The following GADL1 variants were observed in gnomAD, a reference collection of about 807,000 sequenced individuals.
GADL1 encodes acidic amino acid decarboxylase GADL1.
Under a neutral mutation model 69.5 loss-of-function variants are expected in GADL1, and 71 were observed. The observed-to-expected ratio is 1.02, with a 90% CI of 0.84 to 1.25. The LOEUF is 1.25. Ranked by LOEUF, GADL1 falls within the 50% of genes most tolerant of loss-of-function variation. The pLI, the probability that GADL1 is intolerant of heterozygous loss-of-function variation, is 0.00. For missense variants in GADL1, 737 were observed against 631.8 expected (o/e 1.17, Z -1.79); for synonymous variants, 254 against 214.4 (o/e 1.18, Z -1.62).
chr3:30,812,811 A>G (rs558750149), intron 11 of GADL1, among the ~76,000 whole-genome samples: 1 of 152,160 alleles, frequency 6.6e-6, no homozygotes, highest in African/African-American at 2.4e-5. Context: ...TTGAGGCCCT[A>G]CTTTGTTGAG....
At chr3:30,758,289 C>T (rs908592271) in intron 14 of GADL1, among the ~76,000 whole-genome samples, 2 of 152,350 alleles carry the variant, frequency 1.3e-5, no homozygotes, top group Non-Finnish European at 2.9e-5. Flanking sequence ...TGGTGGAGCA[C>T]TCCACTCTCT....
At chr3:30,813,388 A>T (rs1697398733) in intron 11 of GADL1, among the ~76,000 whole-genome samples, 1 of 152,226 alleles carries the variant, frequency 6.6e-6, no homozygotes, top group Non-Finnish European at 1.5e-5. Context: ...GCAGACATAT[A>T]GAAATGTTCT....
chr3:30,749,759 C>A (rs1221685133), intron 14 of GADL1, among the ~76,000 whole-genome samples: 1 of 152,196 alleles, frequency 6.6e-6, no homozygotes, highest in Non-Finnish European at 1.5e-5. Flanking sequence ...GTTTCATTCG[C>A]CCCAGCTGAA....
At chr3:30,807,171 C>T (rs1332311957) in intron 11 of GADL1, among the ~76,000 whole-genome samples, 1 of 152,206 alleles carries the variant, frequency 6.6e-6, no homozygotes, top group African/African-American at 2.4e-5. Flanking sequence ...TTACCCACCA[C>T]TCTTCCTCTT....
chr3:30,831,883 A>G (rs1047305694), intron 11 of GADL1, among the ~76,000 whole-genome samples: 6 of 151,900 alleles, frequency 3.9e-5, no homozygotes, highest in African/African-American at 1.4e-4. Flanking sequence ...TTGTTAGTGC[A>G]CTTATCAAAA....
chr3:30,766,551 C>G (rs1483539705), intron 14 of GADL1, among the ~76,000 whole-genome samples: 1 of 126,216 alleles, frequency 7.9e-6, no homozygotes, highest in Non-Finnish European at 1.7e-5. Context: ...CATATCATTA[C>G]TGTGATTTTT....
Position 30,850,289 on chromosome 3 carries a change from C to T in GADL1, c.536-178G>A, listed in dbSNP as rs146961604. On this transcript the variant is annotated intron_variant, in intron 5 of 14. Coordinates refer to ENST00000282538, the MANE Select transcript of GADL1 (RefSeq NM_207359.3). ...TTATTCTGAATATTTTATTACATACCCTAATCTCTAATTCTAGAACTTTTA... is the reference window on the plus strand; with the variant it reads ...TTATTCTGAATATTTTATTACATACTCTAATCTCTAATTCTAGAACTTTTA... Among the ~76,000 whole-genome samples the T allele has an allele frequency of 3.3e-3, 497 of 152,150 alleles. 2 individuals are homozygous for T. Among genetic ancestry groups the T allele is most frequent in the African/African-American group, 0.011 (450 of 41,524 alleles).
intron 12 of GADL1, among the ~76,000 whole-genome samples, chr3:30,789,977 G>A (rs1575206550): frequency 6.6e-6 from 1 of 152,192 alleles, no homozygotes; most frequent in East Asian, 1.9e-4. Flanking sequence ...CACTAAAGTA[G>A]AACCTCTAAT....
intron 14 of GADL1, among the ~76,000 whole-genome samples, chr3:30,761,652 CTG>C (rs1696136992): frequency 6.6e-6 from 1 of 152,038 alleles, no homozygotes; most frequent in East Asian, 1.9e-4. Context: ...CCTCATCAGT[CTG>C]TAGTAACTTT....
intron 11 of GADL1, among the ~76,000 whole-genome samples, chr3:30,804,416 GTTAC>G (rs1275744032): frequency 6.6e-6 from 1 of 152,152 alleles, no homozygotes; most frequent in African/African-American, 2.4e-5. Context: ...CTAACATTTA[GTTAC>G]TTAGTCTGCG....
intron 6 of GADL1, among the ~76,000 whole-genome samples, chr3:30,845,554 CTG>C (rs1411258622): frequency 9.9e-5 from 15 of 152,090 alleles, no homozygotes; most frequent in African/African-American, 3.6e-4. Flanking sequence ...TTTTTTAACT[CTG>C]TAAAAATAAA....
intron 11 of GADL1, among the ~76,000 whole-genome samples, chr3:30,818,633 T>C (rs541943574): frequency 2.0e-5 from 3 of 152,308 alleles, no homozygotes; most frequent in African/African-American, 4.8e-5. Flanking sequence ...TATAAATTTA[T>C]AAAAGCCATT....
chr3:30,829,233 T>C (rs1386185252), intron 11 of GADL1, among the ~76,000 whole-genome samples: 1 of 151,904 alleles, frequency 6.6e-6, no homozygotes, highest in Non-Finnish European at 1.5e-5. Flanking sequence ...TGATTCTTTT[T>C]ATTCCTGTGA....
chr3:30,889,913 A>C (rs188502718), intron 1 of GADL1, among the ~76,000 whole-genome samples: 131 of 152,330 alleles, frequency 8.6e-4, no homozygotes, highest in African/African-American at 3.0e-3. Context: ...AAAAGAATTT[A>C]AGGAATATTC....
At chr3:30,877,845 C>T (rs1698598927) in intron 1 of GADL1, among the ~76,000 whole-genome samples, 2 of 151,916 alleles carry the variant, frequency 1.3e-5, no homozygotes, top group African/African-American at 2.4e-5. Flanking sequence ...AATATTTAAC[C>T]ATAATAGATT....
chr3:30,870,339 A>G (rs1273704006), intron 1 of GADL1, among the ~76,000 whole-genome samples: 1 of 151,842 alleles, frequency 6.6e-6, no homozygotes, highest in East Asian at 1.9e-4. Context: ...AAGATATGGA[A>G]AGAGAATGAT....
chr3:30,835,679 C>A (rs896630296), intron 9 of GADL1, among the ~76,000 whole-genome samples: 1 of 152,042 alleles, frequency 6.6e-6, no homozygotes, highest in Non-Finnish European at 1.5e-5. Context: ...GCCCTGCCAA[C>A]CCCACTGGCC....
chr3:30,834,311 T>A, intron 9 of GADL1, 30 bp from the exon 10 acceptor site: 1 of 1,582,988 alleles, frequency 6.3e-7, no homozygotes. Flanking sequence ...ACCAGAACAA[T>A]GTTATTTCAA....
intron 14 of GADL1, among the ~76,000 whole-genome samples, chr3:30,764,478 G>A (rs1696221685): frequency 6.6e-6 from 1 of 152,158 alleles, no homozygotes; most frequent in Non-Finnish European, 1.5e-5. Context: ...AATGGAAGTA[G>A]AGCCAAGTGT....
Sources: gnomAD v4.1 joint callset for allele counts (sites outside exome capture counted in the v4.1 genomes callset) on GRCh38, gnomAD v4.1.1 for gene constraint, MANE v1.5 for transcripts, NCBI Gene and HGNC (gene_info 2026-07-23, HGNC 2026-07-21) for gene names.